Variants in SART1 observed in about 807,000 individuals in gnomAD.
SART1 encodes the protein spliceosome associated factor 1, recruiter of U4/U6.U5 tri-snRNP.
SART1 carries 28 observed loss-of-function variants against 105.0 expected under a neutral mutation model. The ratio of observed to expected loss-of-function variants is 0.27; its 90% CI spans 0.20 to 0.37. The LOEUF (loss-of-function observed/expected upper bound fraction) is 0.37. Ranked by LOEUF, SART1 falls within the 10% of genes least tolerant of loss-of-function variation. The probability of loss-of-function intolerance (pLI) is 1.00; values close to 1 mark genes in which losing one functional copy is unlikely to be tolerated. For missense variants in SART1, 894 were observed against 1,106.5 expected, an observed-to-expected ratio of 0.81 and a Z score of 2.72; for synonymous variants, 472 against 462.9, an observed-to-expected ratio of 1.02 and a Z score of -0.25.
chr11:65,962,565 G>A (rs1036948424), intron 1 of SART1, among the ~76,000 whole-genome samples: 1 of 152,094 alleles, frequency 6.6e-6, no homozygotes, highest in African/African-American at 2.4e-5. Context: ...GATAGACAGG[G>A]ATGTGAACAC....
intron 12 of SART1, among the ~76,000 whole-genome samples, chr11:65,972,649 C>T (rs537909607): frequency 7.4e-4 from 112 of 152,110 alleles, no homozygotes; most frequent in Non-Finnish European, 1.4e-3. Flanking sequence ...TGTCTGAAGC[C>T]TCAGCTACGC....
chr11:65,967,140 G>C (rs1855275832), intron 9 of SART1, 119 bp from the exon 10 acceptor site: 4 of 1,425,482 alleles, frequency 2.8e-6, no homozygotes, highest in Non-Finnish European at 3.8e-6. Flanking sequence ...TCATGTGTGG[G>C]AAGCGCTCAG....
Position 65,966,147 on chromosome 11 carries a change from G to A in SART1, c.910G>A (p.Val304Met), listed in dbSNP as rs778445044. 4.3e-6 allele frequency: 7 copies of A among 1,613,924 alleles called. No homozygotes were observed. Among genetic ancestry groups the A allele is most frequent in the South Asian group, 1.1e-5 (1 of 91,096 alleles). Reference protein sequence around the residue: ...LVDKERAEKNVELRKKKPDYL... With the variant: ...LVDKERAEKNMELRKKKPDYL... ...GGATAAGGAGCGGGCAGAGAAAAATGTGGAGCTGCGGAAGAAGAAGCCTGA... is the reference window on the plus strand; with the variant it reads ...GGATAAGGAGCGGGCAGAGAAAAATATGGAGCTGCGGAAGAAGAAGCCTGA... Residue 304 changes from valine (V) to methionine (M), a missense_variant, in exon 8 of 20, where the codon GTG becomes ATG. Val to Met is a conservative substitution (Grantham distance 21). Transcript: ENST00000312397.
chr11:65,973,097 C>T (rs1855413878), intron 12 of SART1, among the ~76,000 whole-genome samples: 2 of 151,946 alleles, frequency 1.3e-5, no homozygotes, highest in Non-Finnish European at 2.9e-5. Context: ...TGGTGTGAAC[C>T]CAGGAGGCGG....
At chr11:65,968,304 G>A (rs1855304701) in intron 12 of SART1, among the ~76,000 whole-genome samples, 1 of 152,064 alleles carries the variant, frequency 6.6e-6, no homozygotes, top group Admixed American at 6.6e-5. Context: ...GCTTTAGTAG[G>A]GGATCCTTTC....
At chr11:65,963,474 T>G (rs1192168) in intron 1 of SART1, among the ~76,000 whole-genome samples, 76,127 of 151,318 alleles carry the variant, frequency 0.5, 19,477 homozygotes, top group East Asian at 0.68. Context: ...AGGAAGAGTT[T>G]TTTTTTTGTT....
chr11:65,965,001 C>T, intron 3 of SART1, 91 bp from the exon 4 acceptor site: 13 of 1,472,824 alleles, frequency 8.8e-6, no homozygotes, highest in Non-Finnish European at 1.2e-5. Context: ...CCTTCTGGCC[C>T]CCTGAGCTGG....
chr11:65,977,497 T>G (rs923648178), intron 15 of SART1, 66 bp from the exon 16 acceptor site: 4 of 1,400,666 alleles, frequency 2.9e-6, no homozygotes, highest in Non-Finnish European at 4.1e-6. Context: ...CTGCTCTGCC[T>G]TCTCAGGCGG....
chr11:65,971,650 G>A (rs1396527784), intron 12 of SART1, among the ~76,000 whole-genome samples: 2 of 151,686 alleles, frequency 1.3e-5, no homozygotes, highest in Non-Finnish European at 2.9e-5. Flanking sequence ...TGAGGAGGGG[G>A]ATGGTGGGAT....
chr11:65,970,304 C>T (rs1855346731), intron 12 of SART1, among the ~76,000 whole-genome samples: 1 of 152,198 alleles, frequency 6.6e-6, no homozygotes. Flanking sequence ...CAGCAGCTCG[C>T]ATGCCAACAT....
chr11:65,978,831 C>T lies in SART1; in HGVS notation c.2301C>T (p.Gly767=), dbSNP rs1469127951. 6 of 1,613,946 alleles carry T rather than the reference C, an allele frequency of 3.7e-6. No homozygotes were observed. The highest frequency in any genetic ancestry group is 2.7e-5 in the African/African-American group (2 of 74,900). Residue 767 remains glycine, a synonymous_variant, in exon 19 of 20, where the codon GGC becomes GGT. Transcript: ENST00000312397. This position sits in a 1 kb window ranked among gnomAD's most constrained non-coding sequence, Gnocchi z 6.8. ...KKMSSSDTPL[G]TVALLQEKQK... ...TGAGCTCCAGCGACACGCCCCTGGGCACCGTGGCCCTGCTCCAGGAGAAGC... is the reference window on the plus strand; with the variant it reads ...TGAGCTCCAGCGACACGCCCCTGGGTACCGTGGCCCTGCTCCAGGAGAAGC...
At chr11:65,971,870 C>T (rs1014865790) in intron 12 of SART1, among the ~76,000 whole-genome samples, 1 of 151,962 alleles carries the variant, frequency 6.6e-6, no homozygotes, top group Non-Finnish European at 1.5e-5. Flanking sequence ...GAAGTTAATA[C>T]AGTCAATGAG....
rs1318866773 is a variant in SART1 at position 65,974,387 on chromosome 11, A to AAC, written c.1573-2007_1573-2006insCA. Among the ~76,000 whole-genome samples the AAC allele has an allele frequency of 4.7e-5, 7 of 149,330 alleles. 1 individual carries two copies. Among genetic ancestry groups the AAC allele is most frequent in the Non-Finnish European group, 8.9e-5 (6 of 67,302 alleles). On this transcript the variant is annotated intron_variant, in intron 12 of 19. Transcript: ENST00000312397. ...ACTCTGTCTCAAAAAAAAAAAAAAA[A>AAC]AAAACCATATCAGCCGGGTGTGGTG...
At chr11:65,977,237 C>T (rs749110806) in intron 15 of SART1, 136 bp downstream of exon 15, 6 of 656,434 alleles carry the variant, frequency 9.1e-6, no homozygotes, top group Non-Finnish European at 1.3e-5. Flanking sequence ...CCCAGAGCCA[C>T]TCCTTCCCCT....
In SART1 at chr11:65,967,372, C is replaced by T. The variant is rs1855280796; in HGVS notation, c.1302C>T (p.Asp434=). Residue 434 remains aspartate (D), a synonymous_variant, in exon 10 of 20, where the codon GAC becomes GAT. Coordinates refer to ENST00000312397, the MANE Select transcript of SART1 (RefSeq NM_005146.5). ...LPLGDQTQDG[D]FGSRLRGRGR... is the part of the protein sequence containing the mutation. ...TCGGGGACCAGACTCAGGATGGGGA[C>T]TTTGGTTCCAGGTGGGCTTGGACAC... The T allele has an allele frequency of 1.2e-6, 2 of 1,614,094 alleles. No homozygotes were observed. Among genetic ancestry groups the T allele is most frequent in the Non-Finnish European group, 1.7e-6 (2 of 1,180,008 alleles).
intron 15 of SART1, 34 bp from the exon 16 acceptor site, chr11:65,977,529 G>A (rs1590645694): frequency 6.3e-7 from 1 of 1,587,336 alleles, no homozygotes; most frequent in Non-Finnish European, 8.7e-7. Context: ...TGGCTCTCGA[G>A]GGGTTGGGAG....
intron 1 of SART1, 141 bp downstream of exon 1, chr11:65,962,234 C>T (rs917103135): frequency 2.1e-5 from 14 of 651,768 alleles, no homozygotes; most frequent in Non-Finnish European, 2.9e-5. Flanking sequence ...AATAGTCTTT[C>T]TACGGGATCC....
In SART1 at chr11:65,961,918, CGGTAGCGGT is replaced by C; in HGVS notation, c.141_149del (p.Ser48_Gly50del). On this transcript the variant is annotated inframe_deletion, in exon 1 of 20. Coordinates refer to ENST00000312397, the MANE Select transcript of SART1 (RefSeq NM_005146.5). ...ACAAGCACCGGAGTGGCGGCAGTGG[CGGTAGCGGT>C]GGCGAACGACGGAAGCGGAGCCGGG... 6.5e-7 allele frequency: 1 copy of C among 1,534,928 alleles called. No individual in the cohort carries two copies. Among genetic ancestry groups the C allele is most frequent in the Non-Finnish European group, 8.8e-7 (1 of 1,138,278 alleles).
rs758882322 is a variant in SART1, at chr11:65,966,156, C to G, written c.919C>G (p.Arg307Gly). The stretch of plus-strand genomic sequence containing the variant: ...GCGGGCAGAGAAAAATGTGGAGCTG[C>G]GGAAGAAGAAGCCTGACTACCTGCC... ...KERAEKNVEL[R>G]KKKPDYLPYA... The change falls in exon 8 of 20, where the codon CGG becomes GGG. Residue 307 changes from arginine to glycine, a missense_variant. Coordinates refer to ENST00000312397, the MANE Select transcript of SART1 (RefSeq NM_005146.5). 1.2e-6 allele frequency: 2 copies of G among 1,613,834 alleles called. No individual in the cohort carries two copies. The highest frequency in any genetic ancestry group is 1.7e-6 in the Non-Finnish European group (2 of 1,180,030).
Sources: allele counts gnomAD v4.1 joint callset (sites outside exome capture counted in the v4.1 genomes callset), GRCh38; gene constraint gnomAD v4.1.1; non-coding constraint Gnocchi (gnomAD v3.1); transcripts MANE v1.5; gene names NCBI Gene and HGNC (gene_info 2026-07-23, HGNC 2026-07-21).